Variants in TSPAN5 observed in about 807,000 individuals in gnomAD.
TSPAN5 encodes the protein tetraspanin-5.
In TSPAN5, 10 loss-of-function variants were observed where a neutral mutation model predicts 37.1. That is an observed-to-expected ratio of 0.27 (90% CI 0.17 to 0.46). TSPAN5 has a LOEUF of 0.46. TSPAN5 is among the 20% of genes least tolerant of loss of function. TSPAN5 has a pLI of 1.00. For synonymous variants in TSPAN5, 110 were observed against 118.9 expected (o/e 0.93, Z 0.48); for missense variants, 195 against 326.6 (o/e 0.60, Z 3.11).
intron 4 of TSPAN5, among the ~76,000 whole-genome samples, chr4:98,480,919 T>C (rs1178843611): frequency 1.3e-5 from 2 of 152,074 alleles, no homozygotes; most frequent in Non-Finnish European, 2.9e-5. Context: ...CAGTCCTGAG[T>C]GCCTAAGGAA....
intron 1 of TSPAN5, among the ~76,000 whole-genome samples, chr4:98,637,152 A>G (rs902599178): frequency 1.3e-5 from 2 of 152,146 alleles, no homozygotes. Context: ...ACTTAAAAGG[A>G]CTGTCCACTT....
chr4:98,578,299 A>ATATGGGCGT, intron 1 of TSPAN5, among the ~76,000 whole-genome samples: 1 of 152,334 alleles, frequency 6.6e-6, no homozygotes, highest in Non-Finnish European at 1.5e-5. Context: ...TTAAATACTT[A>ATATGGGCGT]CATTTAAAGT....
At chr4:98,606,493 A>G (rs1756042013) in intron 1 of TSPAN5, among the ~76,000 whole-genome samples, 1 of 152,180 alleles carries the variant, frequency 6.6e-6, no homozygotes, top group Admixed American at 6.5e-5. Context: ...ATAATTCTTA[A>G]ACATAAACTA....
chr4:98,613,106 G>A (rs546928052), intron 1 of TSPAN5, among the ~76,000 whole-genome samples: 2 of 149,548 alleles, frequency 1.3e-5, no homozygotes, highest in African/African-American at 4.9e-5. Context: ...TGGAGATTAA[G>A]TCACAACACA....
At chr4:98,611,913 T>C (rs1371696097) in intron 1 of TSPAN5, among the ~76,000 whole-genome samples, 2 of 152,244 alleles carry the variant, frequency 1.3e-5, no homozygotes, top group Non-Finnish European at 1.5e-5. Flanking sequence ...TGCATTTCAG[T>C]GGATTCCACC....
chr4:98,502,131 C>T (rs1386198902), intron 2 of TSPAN5, among the ~76,000 whole-genome samples: 1 of 152,118 alleles, frequency 6.6e-6, no homozygotes, highest in East Asian at 1.9e-4. Context: ...TTCTTTACCG[C>T]AATTGGGAAG....
intron 2 of TSPAN5, among the ~76,000 whole-genome samples, chr4:98,487,228 T>A (rs1165163808): frequency 8.6e-5 from 10 of 116,210 alleles, no homozygotes; most frequent in Non-Finnish European, 1.2e-4. Context: ...TTGGGAAAAC[T>A]ATATGTAGAG....
At chr4:98,636,406 A>C (rs1203617064) in intron 1 of TSPAN5, among the ~76,000 whole-genome samples, 1 of 152,238 alleles carries the variant, frequency 6.6e-6, no homozygotes, top group Non-Finnish European at 1.5e-5. Flanking sequence ...CAAGGTTCCT[A>C]TAATGGTGCC....
intron 1 of TSPAN5, among the ~76,000 whole-genome samples, chr4:98,571,382 G>T (rs564038041): frequency 1.3e-5 from 2 of 152,084 alleles, no homozygotes; most frequent in East Asian, 1.9e-4. Context: ...CTGCAGGGGG[G>T]TGGCTGGCAA....
chr4:98,560,960 G>T (rs1754869752), intron 1 of TSPAN5, among the ~76,000 whole-genome samples: 1 of 152,232 alleles, frequency 6.6e-6, no homozygotes, highest in African/African-American at 2.4e-5. Context: ...CGATAACACA[G>T]TTTGCAGCTA....
intron 1 of TSPAN5, among the ~76,000 whole-genome samples, chr4:98,544,660 G>A (rs1293501441): frequency 6.6e-6 from 1 of 152,070 alleles, no homozygotes; most frequent in Admixed American, 6.5e-5. Flanking sequence ...CGAAAGCAGA[G>A]GGAGGCATAA....
chr4:98,641,034 G>A (rs1217776055), intron 1 of TSPAN5, among the ~76,000 whole-genome samples: 1 of 152,190 alleles, frequency 6.6e-6, no homozygotes, highest in Non-Finnish European at 1.5e-5. Flanking sequence ...CAAGGCCCAT[G>A]TTTGAATCCA....
chr4:98,591,718 CT>C (rs1755636112), intron 1 of TSPAN5, among the ~76,000 whole-genome samples: 1 of 130,764 alleles, frequency 7.6e-6, no homozygotes, highest in Non-Finnish European at 1.6e-5. Flanking sequence ...GGTTTTTTTT[CT>C]TTTTAATGTG....
intron 2 of TSPAN5, among the ~76,000 whole-genome samples, chr4:98,489,477 C>T (rs1200092239): frequency 6.6e-6 from 1 of 152,168 alleles, no homozygotes; most frequent in Non-Finnish European, 1.5e-5. Flanking sequence ...TTTGGGTCCC[C>T]TCCCGTTGTA....
chr4:98,603,227 A>G (rs1421204553), intron 1 of TSPAN5, among the ~76,000 whole-genome samples: 1 of 152,160 alleles, frequency 6.6e-6, no homozygotes, highest in Non-Finnish European at 1.5e-5. Flanking sequence ...TAATCATTTT[A>G]CCTACTAGTT....
At chr4:98,630,843 T>C in intron 1 of TSPAN5, among the ~76,000 whole-genome samples, 1 of 152,216 alleles carries the variant, frequency 6.6e-6, no homozygotes, top group East Asian at 1.9e-4. Flanking sequence ...GATGTGAGGA[T>C]AACTTGCCAC....
chr4:98,560,364 A>G (rs926532157), intron 1 of TSPAN5: 1 of 152,236 alleles, frequency 6.6e-6, no homozygotes, highest in African/African-American at 2.4e-5. Context: ...AAACTTTAAT[A>G]TATTTACTAC....
At position 98,657,659 on chromosome 4, in the gene TSPAN5, C is replaced by A. The variant is rs978457098; in HGVS notation, c.81+487G>T. ...AAGCCCGAGATGGTGCAAGAAGATA[C>A]ACGCTGAGCATGGCACAGACCAGCC... On this transcript the variant is annotated intron_variant, in intron 1 of 7. Coordinates refer to ENST00000305798, the MANE Select transcript of TSPAN5 (RefSeq NM_005723.4). 1.9e-4 allele frequency: 37 copies of A among 199,302 alleles called. 1 individual carries two copies. The highest frequency in any genetic ancestry group is 3.6e-4 in the Non-Finnish European group (36 of 99,576). The allele number at this position is 199,302 out of a possible 1,614,324, so 12.3% of individuals were successfully genotyped here.
chr4:98,493,492 A>G (rs1753130304), intron 2 of TSPAN5, among the ~76,000 whole-genome samples: 2 of 152,206 alleles, frequency 1.3e-5, no homozygotes. Context: ...TGACATATGA[A>G]AGTGAGATTC....
Sources: allele counts gnomAD v4.1 joint callset (sites outside exome capture counted in the v4.1 genomes callset), GRCh38; gene constraint gnomAD v4.1.1; transcripts MANE v1.5; gene names NCBI Gene and HGNC (gene_info 2026-07-23, HGNC 2026-07-21).